The following YIF1B variants were observed in gnomAD, a reference collection of about 807,000 sequenced individuals.
YIF1B encodes the protein Yip1 interacting factor homolog B, membrane trafficking protein.
Under a neutral mutation model 34.6 loss-of-function variants are expected in YIF1B, and 24 were observed. That is an observed-to-expected ratio of 0.69 (90% CI 0.50 to 0.98). YIF1B has a LOEUF of 0.98. YIF1B is among the 50% of genes least tolerant of loss of function. The probability of loss-of-function intolerance (pLI) is 0.00; values close to 1 mark genes in which losing one functional copy is unlikely to be tolerated. For missense variants in YIF1B, 368 were observed against 429.4 expected (o/e 0.86, Z 1.26); for synonymous variants, 186 against 184.8 (o/e 1.01, Z -0.05).
upstream of YIF1B, chr19:38,320,054 G>A: frequency 1.3e-6 from 2 of 1,512,454 alleles, no homozygotes; most frequent in Non-Finnish European, 1.8e-6. Flanking sequence ...CACGAAGCCA[G>A]GCTCCGAGCC....
chr19:38,320,926 C>T (rs1021647760), upstream of YIF1B, among the ~76,000 whole-genome samples: 9 of 152,114 alleles, frequency 5.9e-5, no homozygotes, highest in Non-Finnish European at 1.3e-4. Context: ...CTAGGACTGT[C>T]CTCAGAGACC....
At chr19:38,321,613 G>C (rs550419372), upstream of YIF1B, among the ~76,000 whole-genome samples, 174 of 152,350 alleles carry the variant, frequency 1.1e-3, no homozygotes, top group Non-Finnish European at 1.9e-3. Context: ...TTGTTTCTTT[G>C]TTGGGGATTT....
chr19:38,304,388 C>G lies in YIF1B; in HGVS notation c.*964G>C. 3 of 1,580,280 alleles carry G rather than the reference C, an allele frequency of 1.9e-6. No homozygotes were observed. Among genetic ancestry groups the G allele is most frequent in the Non-Finnish European group, 2.6e-6 (3 of 1,164,032 alleles). The stretch of plus-strand genomic sequence containing the variant: ...TTCTCTCCACAGCCCTGGAGCCCAC[C>G]TCCCAGAAGCCCGGTGTGGGGGCGG... On this transcript the variant is annotated 3_prime_UTR_variant, in exon 8 of 8. Transcript: ENST00000339413.
intron 1 of YIF1B, 62 bp downstream of exon 1, chr19:38,315,798 C>G: frequency 5.2e-6 from 8 of 1,526,288 alleles, no homozygotes; most frequent in Non-Finnish European, 6.1e-6. Flanking sequence ...AGTGACCTCG[C>G]CAACCGACGC....
At position 38,308,912 on chromosome 19, in the gene YIF1B, AC is replaced by A. The variant is rs2146302600; in HGVS notation, c.482-64del. 1.9e-6 allele frequency: 3 copies of A among 1,613,434 alleles called. No homozygotes were observed. In the East Asian group the frequency reaches 6.7e-5, roughly 36 times the overall value. ...GAAGAACTGCCCTGGGCCTCCAGGC[AC>A]CCACACACCCGCTCCATATAGGCCC... On this transcript the variant is annotated intron_variant, in intron 4 of 7. Transcript: ENST00000339413.
Position 38,304,880 on chromosome 19 carries a change from C to A in YIF1B, c.*472G>T, listed in dbSNP as rs770255035. 1.9e-6 allele frequency: 3 copies of A among 1,613,414 alleles called. No homozygotes were observed. In the African/African-American group the frequency reaches 4.0e-5, roughly 22 times the overall value. On this transcript the variant is annotated 3_prime_UTR_variant, in exon 8 of 8. Transcript: ENST00000339413. ...CTGGCTCCAAGCAGCACGAGAGCAT[C>A]CCGGGCAAGGCCAAGAAGCCCAAAG... is the stretch of plus-strand genomic sequence containing the variant.
chr19:38,304,168 C>T lies in YIF1B; in HGVS notation c.*1184G>A, dbSNP rs1296730870. On this transcript the variant is annotated 3_prime_UTR_variant, in exon 8 of 8. Transcript: ENST00000339413. ...GGTTGGGTGGGGCGTCTCAGCATTC[C>T]TCCAACGGGCAGGTCTCAGCGCTCC... is the stretch of plus-strand genomic sequence containing the variant. 3 of 1,500,262 alleles carry T rather than the reference C, an allele frequency of 2.0e-6. No homozygotes were observed. The highest frequency in any genetic ancestry group is 1.8e-6 in the Non-Finnish European group (2 of 1,091,276). 92.9% of individuals were successfully genotyped at this position (1,500,262 alleles called of 1,614,324 possible).
chr19:38,307,412 C>T lies in YIF1B; in HGVS notation c.789+16G>A. ...GCACCTGTGCCTCAGCCTCACCAGC[C>T]CCGAGCCCAGCTCACCATGAACACA... On this transcript the variant is annotated intron_variant, in intron 7 of 7. Transcript: ENST00000339413. 1 of 1,613,182 alleles carries T rather than the reference C, an allele frequency of 6.2e-7. No individual in the cohort carries two copies. The highest frequency in any genetic ancestry group is 1.7e-5 in the Admixed American group (1 of 59,936).
At position 38,305,476 on chromosome 19, in the gene YIF1B, T is replaced by C; in HGVS notation, c.821A>G (p.Asp274Gly). Residue 274 changes from aspartate to glycine, a missense_variant, in exon 8 of 8, where the codon GAC becomes GGC. Coordinates refer to ENST00000339413, the MANE Select transcript of YIF1B (RefSeq NM_001039672.3). ...CACCGGGACCCCCTCAGCTGCTGCGTCTGCCAAGATCTTCAGCCGCAGCGT... is the reference window on the plus strand; with the variant it reads ...CACCGGGACCCCCTCAGCTGCTGCGCCTGCCAAGATCTTCAGCCGCAGCGT... ...IRTLRLKILA[D>G]AAAEGVPVRG... The C allele has an allele frequency of 6.2e-7, 1 of 1,606,416 alleles. No homozygotes were observed. Among genetic ancestry groups the C allele is most frequent in the East Asian group, 2.2e-5 (1 of 44,630 alleles).
At chr19:38,321,117 A>G (rs1298420619), upstream of YIF1B, among the ~76,000 whole-genome samples, 1 of 151,872 alleles carries the variant, frequency 6.6e-6, no homozygotes, top group Admixed American at 6.6e-5. Flanking sequence ...CCCCATCTCA[A>G]CCTCCTCCTG....
At position 38,305,220 on chromosome 19, in the gene YIF1B, G is replaced by A; in HGVS notation, c.*132C>T. The A allele has an allele frequency of 7.0e-7, 1 of 1,437,932 alleles. No individual in the cohort carries two copies. The highest frequency in any genetic ancestry group is 9.2e-7 in the Non-Finnish European group (1 of 1,087,002). The allele number at this position is 1,437,932 out of a possible 1,614,324, so 89.1% of individuals were successfully genotyped here. ...CACCTTGGGTTGGGGGCGGGGCTGG[G>A]CGGGACATGGGATGGAGGCGGTGCC... On this transcript the variant is annotated 3_prime_UTR_variant, in exon 8 of 8. Coordinates refer to ENST00000339413, the MANE Select transcript of YIF1B (RefSeq NM_001039672.3).
chr19:38,309,026 G>T lies in YIF1B; in HGVS notation c.434C>A (p.Pro145Gln). 6.4e-7 allele frequency: 1 copy of T among 1,561,700 alleles called. No homozygotes were observed. Among genetic ancestry groups the T allele is most frequent in the East Asian group, 2.3e-5 (1 of 43,206 alleles). Reference protein sequence around the residue: ...DWEVQYQQDTPVAPRFDVNAP... With the variant: ...DWEVQYQQDTQVAPRFDVNAP... Reference sequence around the variant, plus strand: ...ATTGACGTCAAAGCGGGGGGCCACCGGGGTGTCCTGTTGGTACTGCACTTC... The same window carrying T: ...ATTGACGTCAAAGCGGGGGGCCACCTGGGTGTCCTGTTGGTACTGCACTTC... Residue 145 changes from proline (P) to glutamine (Q), a missense_variant, in exon 4 of 8, where the codon CCG (proline) becomes CAG (glutamine). Physicochemically the swap from Pro to Gln is moderately conservative, Grantham distance 76 (BLOSUM62 -1). This residue lies in a region of YIF1B where 208 missense variants were observed against 247.8 expected (regional missense o/e 0.84). Transcript: ENST00000339413.
Position 38,315,887 on chromosome 19 carries a change from C to T in YIF1B, c.31G>A (p.Ala11Thr). 3.4e-6 allele frequency: 5 copies of T among 1,486,518 alleles called. No homozygotes were observed. The highest frequency in any genetic ancestry group is 2.8e-5 in the East Asian group (1 of 35,218). 92.1% of individuals were successfully genotyped at this position (1,486,518 alleles called of 1,614,324 possible). A position where few individuals can be genotyped will look rare whatever the true frequency, so the allele number is the denominator to read the frequency against. The change falls in exon 1 of 8, where the codon GCG becomes ACG. Residue 11 changes from alanine (A) to threonine (T), a missense_variant. Transcript: ENST00000339413. ...CACTTACGCAGCCGGGGCGTCCCCG[C>T]AGCCGCCGCCGCCAAGCCTGCCGGG... MHPAGLAAAA[A>T]GTPRLRKWPS...
chr19:38,305,224 G>A lies in YIF1B; in HGVS notation c.*128C>T. The A allele has an allele frequency of 5.6e-6, 8 of 1,431,144 alleles. No individual in the cohort carries two copies. Among genetic ancestry groups the A allele is most frequent in the Non-Finnish European group, 6.5e-6 (7 of 1,079,332 alleles). 88.7% of individuals were successfully genotyped at this position (1,431,144 alleles called of 1,614,324 possible). On this transcript the variant is annotated 3_prime_UTR_variant, in exon 8 of 8. Coordinates refer to ENST00000339413, the MANE Select transcript of YIF1B (RefSeq NM_001039672.3). ...TTGGGTTGGGGGCGGGGCTGGGCGG[G>A]ACATGGGATGGAGGCGGTGCCTGTG...
intron 4 of YIF1B, 63 bp from the exon 5 acceptor site, chr19:38,308,912 A>G: frequency 6.2e-7 from 1 of 1,613,434 alleles, no homozygotes; most frequent in East Asian, 2.2e-5. Flanking sequence ...GCCTCCAGGC[A>G]CCCACACACC....
chr19:38,314,616 CTT>C (rs911022609), intron 1 of YIF1B, among the ~76,000 whole-genome samples: 59 of 82,318 alleles, frequency 7.2e-4, no homozygotes, highest in African/African-American at 2.1e-3. Flanking sequence ...GGATCACCCT[CTT>C]TTTTTTTTTT....
Position 38,303,771 on chromosome 19 carries a change from A to G in YIF1B, c.*1581T>C, listed in dbSNP as rs1287814253. 6.6e-6 allele frequency among the ~76,000 whole-genome samples: 1 copy of G among 152,242 alleles called. No individual in the cohort carries two copies. The highest frequency in any genetic ancestry group is 1.5e-5 in the Non-Finnish European group (1 of 68,038). ...AAGTGACACAGCTGGCATCTAGTGC[A>G]GCAGGCTGGCTCCAAGTCTATGCCC... On this transcript the variant is annotated 3_prime_UTR_variant, in exon 8 of 8. Coordinates refer to ENST00000339413, the MANE Select transcript of YIF1B (RefSeq NM_001039672.3).
chr19:38,309,999 T>TCCAC, intron 1 of YIF1B: 1 of 412,834 alleles, frequency 2.4e-6, no homozygotes, highest in South Asian at 3.4e-5. Context: ...CATCCAGCCA[T>TCCAC]CCATCCACCC....
Position 38,304,215 on chromosome 19 carries a change from C to T in YIF1B, c.*1137G>A, listed in dbSNP as rs372124907. On this transcript the variant is annotated 3_prime_UTR_variant, in exon 8 of 8. Coordinates refer to ENST00000339413, the MANE Select transcript of YIF1B (RefSeq NM_001039672.3). ...CTCCTCCCCCTGCTCCGCTCCTCTG[C>T]AGGGCCCAGGCGCCCTTGGCCTTAG... 6 of 1,611,362 alleles carry T rather than the reference C, an allele frequency of 3.7e-6. No individual in the cohort carries two copies. Among genetic ancestry groups the T allele is most frequent in the Non-Finnish European group, 5.1e-6 (6 of 1,178,898 alleles).
Sources: allele counts gnomAD v4.1 joint callset (sites outside exome capture counted in the v4.1 genomes callset), GRCh38; gene constraint gnomAD v4.1.1; regional missense constraint gnomAD v4.1.1; transcripts MANE v1.5; gene names NCBI Gene and HGNC (gene_info 2026-07-23, HGNC 2026-07-21).